Variants in CDH2 observed in about 807,000 individuals in gnomAD.
CDH2 encodes cadherin 2.
In CDH2, 17 loss-of-function variants were observed where a neutral mutation model predicts 92.0. That is an observed-to-expected ratio of 0.18 (90% CI 0.13 to 0.28). CDH2 has a LOEUF of 0.28. Ranked by LOEUF, CDH2 falls within the 10% of genes least tolerant of loss-of-function variation. The probability of loss-of-function intolerance (pLI) is 1.00; values close to 1 mark genes in which losing one functional copy is unlikely to be tolerated. For missense variants in CDH2, 862 were observed against 1,133.1 expected (o/e 0.76, Z 3.44); for synonymous variants, 419 against 415.9 (o/e 1.01, Z -0.09).
intron 14 of CDH2, among the ~76,000 whole-genome samples, chr18:27,976,235 G>A (rs956544057): frequency 6.6e-6 from 1 of 152,108 alleles, no homozygotes; most frequent in Non-Finnish European, 1.5e-5. Context: ...TTATCACCTT[G>A]AGGCTGGCAT....
intron 2 of CDH2, among the ~76,000 whole-genome samples, chr18:28,082,952 C>T (rs1009158087): frequency 6.6e-6 from 1 of 152,068 alleles, no homozygotes; most frequent in South Asian, 2.1e-4. Context: ...TCACAGTCAA[C>T]GAAAGTAGCA....
At chr18:28,034,301 C>T (rs1275517729) in intron 2 of CDH2, among the ~76,000 whole-genome samples, 1 of 152,050 alleles carries the variant, frequency 6.6e-6, no homozygotes, top group Non-Finnish European at 1.5e-5. Flanking sequence ...GAGTGAATAT[C>T]ACCAGTGAAA....
intron 9 of CDH2, among the ~76,000 whole-genome samples, chr18:27,991,583 A>C (rs1449567252): frequency 6.6e-6 from 1 of 152,226 alleles, no homozygotes; most frequent in East Asian, 1.9e-4. Context: ...ATCTCTCAGA[A>C]CACTATGACT....
chr18:28,109,160 C>T (rs2015370209), intron 2 of CDH2, among the ~76,000 whole-genome samples: 4 of 152,108 alleles, frequency 2.6e-5, no homozygotes, highest in Admixed American at 1.3e-4. Context: ...AGAGAATATT[C>T]ACGCTTAAAA....
At chr18:28,130,057 A>T (rs886939249) in intron 2 of CDH2, among the ~76,000 whole-genome samples, 3 of 152,174 alleles carry the variant, frequency 2.0e-5, no homozygotes, top group Admixed American at 2.0e-4. Context: ...ACAGATACAC[A>T]ATCACCATGC....
chr18:28,077,373 G>A (rs368112215), intron 2 of CDH2, among the ~76,000 whole-genome samples: 24 of 151,986 alleles, frequency 1.6e-4, no homozygotes, highest in Non-Finnish European at 2.2e-4. Flanking sequence ...AGATGTTACC[G>A]GATCAGAAAT....
chr18:27,942,488 G>A (rs1253642489), intron 6 of CDH2, among the ~76,000 whole-genome samples: 2 of 152,152 alleles, frequency 1.3e-5, no homozygotes, highest in Non-Finnish European at 2.9e-5. Context: ...GCACAGGTGG[G>A]ATTTGAACCT....
chr18:27,998,366 C>T (rs1010787081), intron 7 of CDH2, among the ~76,000 whole-genome samples: 4 of 152,114 alleles, frequency 2.6e-5, no homozygotes, highest in African/African-American at 9.7e-5. Context: ...TTTTGAAACC[C>T]CATTTTACAG....
intron 2 of CDH2, among the ~76,000 whole-genome samples, chr18:28,130,882 G>A (rs1315574726): frequency 2.0e-5 from 3 of 152,192 alleles, no homozygotes; most frequent in Non-Finnish European, 4.4e-5. Flanking sequence ...GCAATCCCAA[G>A]TTTTGATGAG....
chr18:28,015,407 T>C (rs944503585), intron 2 of CDH2, among the ~76,000 whole-genome samples: 8 of 152,170 alleles, frequency 5.3e-5, no homozygotes, highest in Non-Finnish European at 2.9e-5. Flanking sequence ...CCAAAAGATA[T>C]TTAATTACTC....
At position 28,152,990 on chromosome 18, in the gene CDH2, C is replaced by T. The variant is rs867225694; in HGVS notation, c.61-5206G>A. Among the ~76,000 whole-genome samples the T allele has an allele frequency of 3.3e-5, 5 of 152,174 alleles. No homozygotes were observed. The Middle Eastern group carries it at 0.017, about 518-fold the overall frequency. Reference sequence around the variant, plus strand: ...ATGTTTCCAGCTGAGTGGCTGTGAACACGGGTGCCACAAGTAGGAAAAATA... The same window carrying T: ...ATGTTTCCAGCTGAGTGGCTGTGAATACGGGTGCCACAAGTAGGAAAAATA... On this transcript the variant is annotated intron_variant, in intron 1 of 15. Transcript: ENST00000269141.
At chr18:28,068,363 A>C (rs922878921) in intron 2 of CDH2, among the ~76,000 whole-genome samples, 2 of 152,214 alleles carry the variant, frequency 1.3e-5, no homozygotes, top group Non-Finnish European at 2.9e-5. Context: ...CAAAGGTGCC[A>C]AACAGTCTAA....
intron 15 of CDH2, among the ~76,000 whole-genome samples, chr18:27,952,839 A>G (rs1366173490): frequency 6.6e-6 from 1 of 152,216 alleles, no homozygotes; most frequent in African/African-American, 2.4e-5. Flanking sequence ...TACTGTGTGA[A>G]GCAAATGACA....
At chr18:28,168,099 A>G (rs2016412801) in intron 1 of CDH2, among the ~76,000 whole-genome samples, 2 of 152,124 alleles carry the variant, frequency 1.3e-5, no homozygotes, top group Admixed American at 1.3e-4. Flanking sequence ...AATTTAGTAA[A>G]TGTAATTTTT....
At chr18:28,062,426 G>T (rs2014421764) in intron 2 of CDH2, among the ~76,000 whole-genome samples, 1 of 152,038 alleles carries the variant, frequency 6.6e-6, no homozygotes, top group Non-Finnish European at 1.5e-5. Flanking sequence ...ATAGAGTTTT[G>T]CCTGTCCTGT....
intron 2 of CDH2, among the ~76,000 whole-genome samples, chr18:28,040,125 G>A (rs906779261): frequency 1.3e-5 from 2 of 152,180 alleles, no homozygotes; most frequent in Non-Finnish European, 2.9e-5. Context: ...ACTGAAAGTT[G>A]ATTGAGCATT....
intron 2 of CDH2, among the ~76,000 whole-genome samples, chr18:28,112,756 A>C (rs2015433490): frequency 6.6e-6 from 1 of 152,126 alleles, no homozygotes; most frequent in South Asian, 2.1e-4. Context: ...CCACATTCAG[A>C]GTAGCAGATT....
chr18:28,122,195 T>C (rs1439608280), intron 2 of CDH2, among the ~76,000 whole-genome samples: 1 of 152,174 alleles, frequency 6.6e-6, no homozygotes, highest in East Asian at 1.9e-4. Context: ...TTAGCTCAGA[T>C]GCCATGTCTC....
At chr18:28,069,907 T>C (rs1157554891) in intron 2 of CDH2, among the ~76,000 whole-genome samples, 1 of 152,094 alleles carries the variant, frequency 6.6e-6, no homozygotes, top group African/African-American at 2.4e-5. Flanking sequence ...AAAAATGTAA[T>C]GCAAGTAGGC....
Sources: gnomAD v4.1 joint callset for allele counts (sites outside exome capture counted in the v4.1 genomes callset) on GRCh38, gnomAD v4.1.1 for gene constraint, MANE v1.5 for transcripts, NCBI Gene and HGNC (gene_info 2026-07-23, HGNC 2026-07-21) for gene names.